The following BEND7 variants were observed in gnomAD, a reference collection of about 807,000 sequenced individuals.
The protein encoded by BEND7 is BEN domain containing 7, also known as BEN domain-containing protein 7.
Under a neutral mutation model 50.9 loss-of-function variants are expected in BEND7, and 28 were observed. That is an observed-to-expected ratio of 0.55 (90% CI 0.41 to 0.75). BEND7 has a LOEUF of 0.75. BEND7 is among the 30% of genes least tolerant of loss of function. The pLI is 0.00. For missense variants in BEND7, 477 were observed against 491.3 expected, an observed-to-expected ratio of 0.97 and a Z score of 0.28; for synonymous variants, 170 against 183.9, an observed-to-expected ratio of 0.92 and a Z score of 0.61.
chr10:13,496,597 A>G (rs2077037200), intron 4 of BEND7, among the ~76,000 whole-genome samples, 169 bp downstream of exon 4: 1 of 152,248 alleles, frequency 6.6e-6, no homozygotes. Flanking sequence ...TGATTTGCTA[A>G]AGGAAAAATG....
rs1271895364 is a variant in BEND7 at position 13,528,492 on chromosome 10, G to A, written c.42C>T (p.Ser14=). 2 of 1,041,116 alleles carry A rather than the reference G, an allele frequency of 1.9e-6. No homozygotes were observed. The highest frequency in any genetic ancestry group is 2.3e-6 in the Non-Finnish European group (2 of 864,858). The allele number at this position is 1,041,116 out of a possible 1,614,324, so 64.5% of individuals were successfully genotyped here. A position where few individuals can be genotyped will look rare whatever the true frequency, so the allele number is the denominator to read the frequency against. The change falls in exon 1 of 9, where the codon AGC becomes AGT. Residue 14 remains serine, a synonymous_variant. Coordinates refer to ENST00000466271, the MANE Select transcript of BEND7 (RefSeq NM_001369863.1). ...GCTTACCTCGGCTCACCAGTTTGAA[G>A]CTCTGGGATTTCCTGCTTCTTTTCC... is the stretch of plus-strand genomic sequence containing the variant. ...SERKRSRKSQ[S]FKLVSRDYHH... is the part of the protein sequence containing the mutation.
chr10:13,477,735 T>C (rs899728101), intron 6 of BEND7, among the ~76,000 whole-genome samples: 2 of 152,246 alleles, frequency 1.3e-5, no homozygotes, highest in Non-Finnish European at 2.9e-5. Flanking sequence ...ATGTCAGTCA[T>C]TCCAGATGAG....
intron 5 of BEND7, among the ~76,000 whole-genome samples, chr10:13,482,276 C>T (rs1314101522): frequency 6.6e-6 from 1 of 152,226 alleles, no homozygotes; most frequent in African/African-American, 2.4e-5. Flanking sequence ...TTGGTTATGA[C>T]ATGGTAGCTG....
chr10:13,502,485 G>A (rs2077543138), intron 2 of BEND7, among the ~76,000 whole-genome samples: 1 of 152,104 alleles, frequency 6.6e-6, no homozygotes, highest in African/African-American at 2.4e-5. Flanking sequence ...CAGATTTTAT[G>A]AGAATGAACG....
At chr10:13,493,039 G>A (rs529000859) in intron 4 of BEND7, among the ~76,000 whole-genome samples, 163 bp from the exon 5 acceptor site, 3 of 152,276 alleles carry the variant, frequency 2.0e-5, no homozygotes, top group East Asian at 3.9e-4. Flanking sequence ...GTTACCAAAC[G>A]CAGGCTCTGA....
At chr10:13,504,990 T>A (rs1269115501) in intron 2 of BEND7, among the ~76,000 whole-genome samples, 2 of 152,178 alleles carry the variant, frequency 1.3e-5, no homozygotes, top group African/African-American at 2.4e-5. Context: ...TTAACTTGGC[T>A]AGGAGGGAAG....
intron 5 of BEND7, among the ~76,000 whole-genome samples, chr10:13,483,887 C>T (rs1252902548): frequency 6.6e-6 from 1 of 152,070 alleles, no homozygotes; most frequent in Non-Finnish European, 1.5e-5. Flanking sequence ...TTAACAGGAT[C>T]TTGAAGGTAG....
downstream of BEND7, among the ~76,000 whole-genome samples, chr10:13,440,769 T>C (rs1835220882): frequency 6.6e-6 from 1 of 152,256 alleles, no homozygotes; most frequent in Admixed American, 6.5e-5. Flanking sequence ...GGCTTAACCT[T>C]TTAAGTGAAG....
chr10:13,492,293 C>A (rs1345598492), intron 5 of BEND7, among the ~76,000 whole-genome samples: 2 of 152,056 alleles, frequency 1.3e-5, no homozygotes, highest in Non-Finnish European at 2.9e-5. Flanking sequence ...TAATTATATT[C>A]TTTTAGGTCT....
chr10:13,439,554 C>T, downstream of BEND7: 1 of 1,499,264 alleles, frequency 6.7e-7, no homozygotes, highest in Non-Finnish European at 9.0e-7. Flanking sequence ...CACCTGTCTC[C>T]TCCAAATCGT....
intron 2 of BEND7, among the ~76,000 whole-genome samples, chr10:13,525,244 T>TA (rs2079374641): frequency 1.3e-5 from 2 of 152,192 alleles, no homozygotes; most frequent in Admixed American, 6.5e-5. Context: ...ACTTCACTCT[T>TA]AGAGGCAAAA....
At chr10:13,451,079 AT>A (rs1282408612) in intron 7 of BEND7, among the ~76,000 whole-genome samples, 2 of 152,128 alleles carry the variant, frequency 1.3e-5, no homozygotes, top group African/African-American at 2.4e-5. Context: ...AATGTGCAGC[AT>A]GGGGAAGGCA....
chr10:13,520,043 G>C (rs941176278), intron 2 of BEND7, among the ~76,000 whole-genome samples: 2 of 152,112 alleles, frequency 1.3e-5, no homozygotes, highest in South Asian at 2.1e-4. Context: ...AGAGGAGAGC[G>C]GGGCCTCACT....
chr10:13,459,530 G>A (rs945477206), intron 6 of BEND7: 1 of 152,350 alleles, frequency 6.6e-6, no homozygotes, highest in South Asian at 2.1e-4. Context: ...CACTACGAGA[G>A]GGTGGGAAAG....
Position 13,492,864 on chromosome 10 carries a change from T to C in BEND7, c.584A>G (p.Asn195Ser). The stretch of plus-strand genomic sequence containing the variant: ...AAGGGAAATTGGAGGTTGTTGTCTG[T>C]TTTGAGTTCCAACTGCGAATAATAA... ...LMQIQAVGTQ[N>S]RQQPPISLIC... is the part of the protein sequence containing the mutation. The change falls in exon 5 of 9, where the codon AAC (asparagine) becomes AGC (serine). Residue 195 changes from asparagine (N) to serine (S), a missense_variant. Asn to Ser is a conservative substitution (Grantham distance 46). Coordinates refer to ENST00000466271, the MANE Select transcript of BEND7 (RefSeq NM_001369863.1). 6.3e-7 allele frequency: 1 copy of C among 1,597,466 alleles called. No homozygotes were observed.
At chr10:13,504,486 A>C (rs1254999885) in intron 2 of BEND7, among the ~76,000 whole-genome samples, 3 of 152,194 alleles carry the variant, frequency 2.0e-5, no homozygotes, top group African/African-American at 4.8e-5. Context: ...ATCATAGTGG[A>C]ATCCAAGTTC....
At chr10:13,472,742 A>G (rs997439922) in intron 6 of BEND7, among the ~76,000 whole-genome samples, 2 of 149,520 alleles carry the variant, frequency 1.3e-5, no homozygotes, top group African/African-American at 2.5e-5. Context: ...CTCAGGGCCA[A>G]TATCTGTCAT....
chr10:13,524,049 TAGG>T (rs1368271327), intron 2 of BEND7, among the ~76,000 whole-genome samples: 1 of 152,224 alleles, frequency 6.6e-6, no homozygotes, highest in Non-Finnish European at 1.5e-5. Context: ...CAACTTGGAC[TAGG>T]AAGAAGAAAA....
intron 6 of BEND7, among the ~76,000 whole-genome samples, chr10:13,476,259 A>C (rs1254567041): frequency 6.6e-6 from 1 of 152,174 alleles, no homozygotes; most frequent in Non-Finnish European, 1.5e-5. Context: ...CACCCATTCT[A>C]ATCTTGTAAG....
Sources: gnomAD v4.1 joint callset for allele counts (sites outside exome capture counted in the v4.1 genomes callset) on GRCh38, gnomAD v4.1.1 for gene constraint, MANE v1.5 for transcripts, NCBI Gene and HGNC (gene_info 2026-07-23, HGNC 2026-07-21) for gene names.